The following RERE variants were observed in gnomAD, a reference collection of about 807,000 sequenced individuals.
RERE encodes arginine-glutamic acid dipeptide repeats protein.
A neutral mutation model predicts 146.1 loss-of-function variants in RERE; 40 were observed. The ratio of observed to expected loss-of-function variants is 0.27; its 90% CI spans 0.21 to 0.36. The LOEUF (loss-of-function observed/expected upper bound fraction) is 0.36. RERE is among the 10% of genes least tolerant of loss of function. The pLI is 1.00. For synonymous variants in RERE, 1,003 were observed against 866.0 expected, an observed-to-expected ratio of 1.16 and a Z score of -2.78; for missense variants, 1,933 against 2,138.7, an observed-to-expected ratio of 0.90 and a Z score of 1.90.
At chr1:8,454,999 A>G (rs1426935511) in intron 11 of RERE, among the ~76,000 whole-genome samples, 1 of 151,874 alleles carries the variant, frequency 6.6e-6, no homozygotes, top group Non-Finnish European at 1.5e-5. Context: ...TCTGCCCACC[A>G]ACCCACCCCA....
intron 8 of RERE, among the ~76,000 whole-genome samples, chr1:8,498,312 C>G (rs559626635): frequency 2.0e-5 from 3 of 151,662 alleles, no homozygotes. Flanking sequence ...GAGCTGAGAT[C>G]GTGCCACTGC....
chr1:8,361,500 G>C lies in RERE; in HGVS notation c.2017-10C>G. On this transcript the variant is annotated splice_polypyrimidine_tract_variant and intron_variant, in intron 17 of 22. Coordinates refer to ENST00000400908, the MANE Select transcript of RERE (RefSeq NM_001042681.2). ...TGGGCCTGCTGATCTCCTGGAGTCAGAGAAGGGAAGGATGGAAGTCCCAGG... is the reference window on the plus strand; with the variant it reads ...TGGGCCTGCTGATCTCCTGGAGTCACAGAAGGGAAGGATGGAAGTCCCAGG... The C allele has an allele frequency of 5.0e-6, 8 of 1,608,274 alleles. No homozygotes were observed. The highest frequency in any genetic ancestry group is 5.9e-6 in the Non-Finnish European group (7 of 1,179,926).
intron 2 of RERE, among the ~76,000 whole-genome samples, chr1:8,635,953 TTATCTTATCTTATC>T (rs1557448241): frequency 7.4e-4 from 31 of 41,622 alleles, no homozygotes; most frequent in African/African-American, 1.7e-3. Flanking sequence ...TTATTTTATC[TTATCTTATCTTATC>T]TTATCTTATC....
At chr1:8,521,380 G>A (rs969569511) in intron 7 of RERE, among the ~76,000 whole-genome samples, 4 of 152,126 alleles carry the variant, frequency 2.6e-5, no homozygotes, top group Non-Finnish European at 4.4e-5. Flanking sequence ...AGTGGCTCAT[G>A]CCTATAATCC....
At chr1:8,719,387 GTCC>G (rs1639820689) in intron 1 of RERE, among the ~76,000 whole-genome samples, 1 of 152,100 alleles carries the variant, frequency 6.6e-6, no homozygotes, top group Non-Finnish European at 1.5e-5. Flanking sequence ...GACTCATTTT[GTCC>G]CAAATTAGCA....
intron 1 of RERE, among the ~76,000 whole-genome samples, chr1:8,764,729 A>G (rs1401323300): frequency 2.0e-5 from 3 of 152,220 alleles, no homozygotes; most frequent in Non-Finnish European, 4.4e-5. Flanking sequence ...GGCTCCAAAA[A>G]AGCAAAGGGC....
chr1:8,622,753 T>A (rs1396078067), intron 3 of RERE, among the ~76,000 whole-genome samples: 1 of 137,388 alleles, frequency 7.3e-6, no homozygotes, highest in African/African-American at 2.8e-5. Flanking sequence ...AAGCAATAAC[T>A]TTTTAACAAA....
chr1:8,490,355 A>AAAAAG (rs1553173833), intron 10 of RERE, among the ~76,000 whole-genome samples: 32 of 148,404 alleles, frequency 2.2e-4, no homozygotes, highest in South Asian at 1.7e-3. Flanking sequence ...AAAAAAAAAA[A>AAAAAG]AAAAGAAAAG....
chr1:8,423,788 C>G lies in RERE; in HGVS notation c.1204-981G>C. ...CCGCTGACGGGGGAGGAGGCAGGAGCGCGGCGCGCAGAGCCCGGCGCGGCC... is the reference window on the plus strand; with the variant it reads ...CCGCTGACGGGGGAGGAGGCAGGAGGGCGGCGCGCAGAGCCCGGCGCGGCC... On this transcript the variant is annotated intron_variant, in intron 11 of 22. Transcript: ENST00000400908. The surrounding 1 kb of genome is among the most constrained non-coding windows in gnomAD (Gnocchi z 5.4). 1 of 753,256 alleles carries G rather than the reference C, an allele frequency of 1.3e-6. No homozygotes were observed. The highest frequency in any genetic ancestry group is 1.6e-6 in the Non-Finnish European group (1 of 621,100). 46.7% of individuals were successfully genotyped at this position (753,256 alleles called of 1,614,324 possible). A position where few individuals can be genotyped will look rare whatever the true frequency, so the allele number is the denominator to read the frequency against.
At chr1:8,656,515 C>T (rs1461760295) in intron 1 of RERE, 74 bp from the exon 2 acceptor site, 3 of 616,166 alleles carry the variant, frequency 4.9e-6, no homozygotes, top group Non-Finnish European at 7.8e-6. Context: ...TTAAATGAAT[C>T]TCTTACTTAT....
intron 1 of RERE, among the ~76,000 whole-genome samples, chr1:8,792,878 C>T (rs1569808862): frequency 6.6e-6 from 1 of 152,066 alleles, no homozygotes; most frequent in East Asian, 1.9e-4. Context: ...GCAGGAAGGC[C>T]GGGTGCAGTG....
intron 10 of RERE, among the ~76,000 whole-genome samples, chr1:8,469,734 CTCAA>C (rs1386776722): frequency 1.3e-5 from 2 of 152,198 alleles, no homozygotes; most frequent in African/African-American, 4.8e-5. Flanking sequence ...GTGGATGAAG[CTCAA>C]TCAAATATCA....
chr1:8,364,019 G>T lies in RERE; in HGVS notation c.1740+37C>A, dbSNP rs907235456. ...CCCCCACACATCCCAGGAAACTGAA[G>T]AAGTTGCCAGGAGCCCCATGGCCCC... is the stretch of plus-strand genomic sequence containing the variant. On this transcript the variant is annotated intron_variant, in intron 15 of 22. Transcript: ENST00000400908. This position sits in a 1 kb window ranked among gnomAD's most constrained non-coding sequence, Gnocchi z 5.1. The T allele has an allele frequency of 2.7e-5, 43 of 1,584,696 alleles. No individual in the cohort carries two copies. The highest frequency in any genetic ancestry group is 3.6e-5 in the Non-Finnish European group (42 of 1,154,274).
chr1:8,575,675 G>C (rs996513988), intron 4 of RERE, among the ~76,000 whole-genome samples: 52 of 150,602 alleles, frequency 3.5e-4, no homozygotes, highest in African/African-American at 1.2e-3. Context: ...GATTAGACTT[G>C]GGCCATTGTG....
At chr1:8,778,847 A>T (rs1249344660) in intron 1 of RERE, among the ~76,000 whole-genome samples, 1 of 151,896 alleles carries the variant, frequency 6.6e-6, no homozygotes, top group Non-Finnish European at 1.5e-5. Flanking sequence ...TACAGTTACT[A>T]AACAGTTTTG....
At chr1:8,580,799 A>T (rs1424339587) in intron 4 of RERE, among the ~76,000 whole-genome samples, 1 of 148,230 alleles carries the variant, frequency 6.7e-6, no homozygotes, top group East Asian at 2.0e-4. Flanking sequence ...TGCAAGCTCC[A>T]CCTCCCAGGC....
intron 3 of RERE, among the ~76,000 whole-genome samples, chr1:8,616,014 C>T (rs1646848796): frequency 6.6e-6 from 1 of 152,136 alleles, no homozygotes. Flanking sequence ...ACACCTTCTC[C>T]CCACCATCAC....
At chr1:8,546,007 T>TTTTTTTTTTTTA in intron 6 of RERE, among the ~76,000 whole-genome samples, 1 of 126,824 alleles carries the variant, frequency 7.9e-6, no homozygotes, top group Non-Finnish European at 1.7e-5. Flanking sequence ...TTTTTTTTTT[T>TTTTTTTTTTTTA]GAGATAGGGT....
intron 1 of RERE, among the ~76,000 whole-genome samples, chr1:8,816,959 G>C (rs533660583): frequency 2.0e-4 from 30 of 152,278 alleles, no homozygotes; most frequent in African/African-American, 6.7e-4. Context: ...AGGCACGCAG[G>C]AACGGTCACC....
Sources: gnomAD v4.1 joint callset for allele counts (sites outside exome capture counted in the v4.1 genomes callset) on GRCh38, gnomAD v4.1.1 for gene constraint, Gnocchi (gnomAD v3.1) non-coding constraint, MANE v1.5 for transcripts, NCBI Gene and HGNC (gene_info 2026-07-23, HGNC 2026-07-21) for gene names.